ATP10B: variants seen among roughly 807,000 people sequenced by gnomAD.
ATP10B encodes phospholipid-transporting ATPase VB.
Under a neutral mutation model 141.2 loss-of-function variants are expected in ATP10B, and 122 were observed. The observed-to-expected ratio is 0.86, with a 90% CI of 0.75 to 1.00. The LOEUF (loss-of-function observed/expected upper bound fraction) is 1.00. ATP10B is among the 50% of genes least tolerant of loss of function. The pLI is 0.00. For missense variants in ATP10B, 1,876 were observed against 1,825.3 expected, an observed-to-expected ratio of 1.03 and a Z score of -0.51; for synonymous variants, 685 against 692.0, an observed-to-expected ratio of 0.99 and a Z score of 0.16.
At chr5:160,705,153 C>T (rs185665902) in intron 3 of ATP10B, among the ~76,000 whole-genome samples, 11 of 151,990 alleles carry the variant, frequency 7.2e-5, no homozygotes, top group East Asian at 5.8e-4. Context: ...CTCCTGACCT[C>T]GTGATCTGCC....
chr5:160,567,492 T>C (rs1047231481), intron 25 of ATP10B, among the ~76,000 whole-genome samples: 7 of 151,990 alleles, frequency 4.6e-5, no homozygotes, highest in African/African-American at 1.7e-4. Flanking sequence ...CTTAATCCTT[T>C]GGGGGCCTGG....
At chr5:160,624,108 A>G (rs765584209) in intron 13 of ATP10B, among the ~76,000 whole-genome samples, 2 of 152,222 alleles carry the variant, frequency 1.3e-5, no homozygotes, top group Non-Finnish European at 2.9e-5. Context: ...GAAGACAGTC[A>G]ATGGCTGAAA....
intron 8 of ATP10B, among the ~76,000 whole-genome samples, chr5:160,647,973 C>T (rs73306644): frequency 0.014 from 2,139 of 152,160 alleles, 53 homozygotes; most frequent in African/African-American, 0.049. Flanking sequence ...AGCTGCAGGC[C>T]CTATTGGTGG....
chr5:160,858,261 T>C, the ATP10B span, among the ~76,000 whole-genome samples: 1 of 152,008 alleles, frequency 6.6e-6, no homozygotes, highest in African/African-American at 2.4e-5. Context: ...AAGTTTACTT[T>C]GTCTGATATT....
intron 6 of ATP10B, among the ~76,000 whole-genome samples, chr5:160,673,833 CTACTTACAGGCA>C (rs1201279604): frequency 6.6e-6 from 1 of 152,150 alleles, no homozygotes; most frequent in Non-Finnish European, 1.5e-5. Flanking sequence ...AAGTATAAGG[CTACTTACAGGCA>C]TTGGAATGGT....
chr5:160,677,907 A>G (rs1427422641), intron 6 of ATP10B, among the ~76,000 whole-genome samples: 1 of 152,194 alleles, frequency 6.6e-6, no homozygotes, highest in South Asian at 2.1e-4. Context: ...TTAGTACCAA[A>G]TTGCAGCTTT....
intron 2 of ATP10B, among the ~76,000 whole-genome samples, chr5:160,764,390 C>G (rs537794599): frequency 6.6e-6 from 1 of 151,978 alleles, no homozygotes; most frequent in African/African-American, 2.4e-5. Context: ...ATACCAGGGA[C>G]GCAGGGCTGG....
At chr5:160,850,454 A>C (rs1054195867) in intron 1 of ATP10B, among the ~76,000 whole-genome samples, 4 of 152,048 alleles carry the variant, frequency 2.6e-5, no homozygotes, top group Non-Finnish European at 2.9e-5. Context: ...AGAAGAAGCA[A>C]CACTGGATTG....
At chr5:160,634,629 C>A in intron 11 of ATP10B, 23 bp from the exon 12 acceptor site, 1 of 1,574,012 alleles carries the variant, frequency 6.4e-7, no homozygotes, top group South Asian at 1.2e-5. Context: ...GAGTTTCTAC[C>A]ATTCAGAAAC....
the ATP10B span, among the ~76,000 whole-genome samples, chr5:160,882,082 G>A: frequency 1.3e-5 from 2 of 152,158 alleles, no homozygotes. Flanking sequence ...ATCAGTGGTT[G>A]CCATTGGAAG....
the ATP10B span, among the ~76,000 whole-genome samples, chr5:160,860,500 T>C: frequency 6.6e-6 from 1 of 151,872 alleles, no homozygotes; most frequent in Non-Finnish European, 1.5e-5. Flanking sequence ...TGAAGGAATA[T>C]GAAATCTCCT....
chr5:160,751,562 G>T (rs1444679134), intron 2 of ATP10B, among the ~76,000 whole-genome samples: 1 of 151,894 alleles, frequency 6.6e-6, no homozygotes, highest in African/African-American at 2.4e-5. Flanking sequence ...CCTACTGTCT[G>T]CAAAATACCT....
intron 1 of ATP10B, among the ~76,000 whole-genome samples, chr5:160,809,835 TGA>T (rs1773028409): frequency 1.3e-5 from 2 of 152,212 alleles, no homozygotes; most frequent in African/African-American, 2.4e-5. Context: ...GGATCGGGAC[TGA>T]GAGATTTTTT....
At chr5:160,587,801 GT>G (rs1441223615) in intron 24 of ATP10B, among the ~76,000 whole-genome samples, 1 of 152,180 alleles carries the variant, frequency 6.6e-6, no homozygotes, top group Non-Finnish European at 1.5e-5. Flanking sequence ...CTTTGCTGAA[GT>G]TGCTCATCAG....
chr5:160,597,323 G>A (rs1367170978), intron 22 of ATP10B, among the ~76,000 whole-genome samples: 1 of 152,162 alleles, frequency 6.6e-6, no homozygotes, highest in African/African-American at 2.4e-5. Flanking sequence ...AAATGGTGCT[G>A]GGAAAACTGG....
At chr5:160,678,248 T>C (rs982459236) in intron 6 of ATP10B, among the ~76,000 whole-genome samples, 1 of 152,138 alleles carries the variant, frequency 6.6e-6, no homozygotes, top group African/African-American at 2.4e-5. Flanking sequence ...CTTTTCCCAC[T>C]AAAACTATAG....
At chr5:160,693,411 C>G (rs973548397) in intron 3 of ATP10B, among the ~76,000 whole-genome samples, 16 of 120,242 alleles carry the variant, frequency 1.3e-4, no homozygotes, top group Non-Finnish European at 1.9e-5. Flanking sequence ...AAAACACACA[C>G]ACACACACAC....
At chr5:160,926,725 T>C in the ATP10B span, among the ~76,000 whole-genome samples, 6 of 152,256 alleles carry the variant, frequency 3.9e-5, no homozygotes, top group South Asian at 2.1e-4. Context: ...TACTTCTCTC[T>C]GCAAAGCAAA....
intron 1 of ATP10B, among the ~76,000 whole-genome samples, chr5:160,827,335 T>G (rs537049087): frequency 6.6e-6 from 1 of 152,330 alleles, no homozygotes; most frequent in East Asian, 1.9e-4. Context: ...TTTTTAACTT[T>G]TTAATTATAA....
Sources: allele counts gnomAD v4.1 joint callset (sites outside exome capture counted in the v4.1 genomes callset), GRCh38; gene constraint gnomAD v4.1.1; transcripts MANE v1.5; gene names NCBI Gene and HGNC (gene_info 2026-07-23, HGNC 2026-07-21).